Variants in SETD7 observed in about 807,000 individuals in gnomAD.
SETD7 encodes SET domain containing 7, histone lysine methyltransferase, also known as histone-lysine N-methyltransferase SETD7.
Under a neutral mutation model 41.8 loss-of-function variants are expected in SETD7, and 16 were observed. The ratio of observed to expected loss-of-function variants is 0.38; its 90% confidence interval spans 0.26 to 0.58. The LOEUF (loss-of-function observed/expected upper bound fraction) is 0.58, where lower values mean the gene tolerates loss of function less well. Ranked by LOEUF, SETD7 falls within the 20% of genes least tolerant of loss-of-function variation. The probability of loss-of-function intolerance (pLI) is 0.64; values close to 1 mark genes in which losing one functional copy is unlikely to be tolerated. For missense variants in SETD7, 346 were observed against 459.7 expected (o/e 0.75, Z 2.26); for synonymous variants, 163 against 169.7 (o/e 0.96, Z 0.31).
downstream of SETD7, among the ~76,000 whole-genome samples, chr4:139,505,741 C>T (rs1279329850): frequency 6.6e-6 from 1 of 152,158 alleles, no homozygotes; most frequent in Non-Finnish European, 1.5e-5. Context: ...ATTGAAGTTT[C>T]CTTTCAGCTA....
Position 139,535,418 on chromosome 4 carries a change from T to C in SETD7, c.171-2052A>G, listed in dbSNP as rs562887541. On this transcript the variant is annotated intron_variant, in intron 2 of 7. Coordinates refer to ENST00000274031, the MANE Select transcript of SETD7 (RefSeq NM_030648.4). ...TTATTTGCTCATCCTGGCAACCCTATTGACTTTGGACTCTCAGCAGCATTC... is the reference window on the plus strand; with the variant it reads ...TTATTTGCTCATCCTGGCAACCCTACTGACTTTGGACTCTCAGCAGCATTC... Among the ~76,000 whole-genome samples the C allele has an allele frequency of 7.2e-4, 110 of 152,346 alleles. 1 individual carries two copies. The South Asian group carries it at 0.022, about 30-fold the overall frequency.
intron 1 of SETD7, among the ~76,000 whole-genome samples, chr4:139,554,632 GAGAT>G (rs1224437964): frequency 6.6e-6 from 1 of 152,190 alleles, no homozygotes; most frequent in Non-Finnish European, 1.5e-5. Flanking sequence ...ATTTATTAGA[GAGAT>G]AAATAGCTCT....
chr4:139,551,492 G>A (rs1728108855), intron 1 of SETD7, among the ~76,000 whole-genome samples: 1 of 152,090 alleles, frequency 6.6e-6, no homozygotes, highest in Non-Finnish European at 1.5e-5. Flanking sequence ...TTCCCCTCTA[G>A]TTACTTCTGA....
intron 4 of SETD7, among the ~76,000 whole-genome samples, chr4:139,526,754 T>A (rs902986918): frequency 2.0e-5 from 3 of 152,172 alleles, no homozygotes; most frequent in Non-Finnish European, 4.4e-5. Context: ...ATTAGGTGAT[T>A]CTTAAGTTTA....
downstream of SETD7, among the ~76,000 whole-genome samples, chr4:139,494,732 C>A (rs1045469057): frequency 6.6e-6 from 1 of 152,170 alleles, no homozygotes; most frequent in Non-Finnish European, 1.5e-5. Context: ...CAGGCACATG[C>A]CTTATGCCTA....
chr4:139,539,904 C>T (rs1330477171), intron 2 of SETD7, among the ~76,000 whole-genome samples: 6 of 152,160 alleles, frequency 3.9e-5, no homozygotes, highest in South Asian at 2.1e-4. Flanking sequence ...AGTGGGCCCT[C>T]GACAGACACA....
intron 3 of SETD7, among the ~76,000 whole-genome samples, chr4:139,530,635 C>T (rs1326255806): frequency 2.0e-5 from 3 of 152,118 alleles, no homozygotes; most frequent in Non-Finnish European, 4.4e-5. Context: ...CCATGACTAA[C>T]ATAAGATAAT....
In SETD7 at chr4:139,496,648, TCTC is replaced by T. The variant is rs535162475; in HGVS notation, c.921-130_921-128del. 308 of 608,840 alleles carry T rather than the reference TCTC, an allele frequency of 5.1e-4. 5 individuals carry two copies. The South Asian group carries it at 5.9e-3, about 12-fold the overall frequency. 37.7% of individuals were successfully genotyped at this position (608,840 alleles called of 1,614,324 possible). On this transcript the variant is annotated intron_variant, in intron 7 of 7. Coordinates refer to the SETD7 transcript ENST00000506866. ...AACCCAGCTGCATTTTTCTAAATCT[TCTC>T]CATCCTCTCTTTTGCTGGCTCTGAC...
chr4:139,524,817 C>T (rs1161294286), intron 4 of SETD7, among the ~76,000 whole-genome samples: 2 of 152,082 alleles, frequency 1.3e-5, no homozygotes, highest in African/African-American at 4.8e-5. Flanking sequence ...AACCACCCTC[C>T]CCCACTTTTT....
At chr4:139,525,724 C>T (rs926231539) in intron 4 of SETD7, among the ~76,000 whole-genome samples, 1 of 152,138 alleles carries the variant, frequency 6.6e-6, no homozygotes, top group African/African-American at 2.4e-5. Context: ...TCTCTCCTTC[C>T]CCAACCATTG....
At chr4:139,537,885 C>T (rs1308020334) in intron 2 of SETD7, among the ~76,000 whole-genome samples, 2 of 152,146 alleles carry the variant, frequency 1.3e-5, no homozygotes, top group Admixed American at 1.3e-4. Context: ...CTGGACTACT[C>T]AGAGTGTTGT....
intron 6 of SETD7, among the ~76,000 whole-genome samples, chr4:139,519,667 A>G (rs1376147832): frequency 6.6e-6 from 1 of 152,278 alleles, no homozygotes; most frequent in Non-Finnish European, 1.5e-5. Flanking sequence ...TTAAGGTCCC[A>G]TACACGTAAT....
Position 139,528,601 on chromosome 4 carries a change from G to A in SETD7, c.562+430C>T, listed in dbSNP as rs114492212. Among the ~76,000 whole-genome samples, 421 of 152,340 alleles carry A rather than the reference G, an allele frequency of 2.8e-3. 2 individuals carry two copies. Among genetic ancestry groups the A allele is most frequent in the Admixed American group, 5.8e-3 (88 of 15,300 alleles). On this transcript the variant is annotated intron_variant, in intron 4 of 7. Transcript: ENST00000274031. ...GGCCATGTGACTTGCTTTGACCAGTGAAAAGTGAGTAAAGTGCCACCATGT... is the reference window on the plus strand; with the variant it reads ...GGCCATGTGACTTGCTTTGACCAGTAAAAAGTGAGTAAAGTGCCACCATGT...
intron 1 of SETD7, among the ~76,000 whole-genome samples, chr4:139,554,974 C>G (rs1728214711): frequency 6.6e-6 from 1 of 152,098 alleles, no homozygotes; most frequent in Non-Finnish European, 1.5e-5. Context: ...CAACCAACAG[C>G]TAAAAATTAT....
Position 139,511,717 on chromosome 4 carries a change from G to A in SETD7, c.1047C>T (p.Ala349=). 6.2e-7 allele frequency: 1 copy of A among 1,614,090 alleles called. No individual in the cohort carries two copies. The highest frequency in any genetic ancestry group is 8.5e-7 in the Non-Finnish European group (1 of 1,180,008). The change falls in exon 8 of 8, where the codon GCC becomes GCT. Residue 349 remains alanine, a synonymous_variant. Coordinates refer to ENST00000274031, the MANE Select transcript of SETD7 (RefSeq NM_030648.4). ...TCAGCTCCACCTGGTACCACTCAGG[G>A]GCTTCAGGCCCACTCTTCCCGGGGG... ...HSPPGKSGPE[A]PEWYQVELKA... is the part of the protein sequence containing the mutation.
Position 139,556,121 on chromosome 4 carries a change from T to TCGTCGTCGCTATCC in SETD7, c.3_16dup (p.Glu6GlyfsTer87). ...ACCTTCCACCGCCTCCTCCACCATCTCGTCGTCGCTATCCATGGCGGCTGG... is the reference window on the plus strand; with the variant it reads ...ACCTTCCACCGCCTCCTCCACCATCTCGTCGTCGCTATCCCGTCGTCGCTATCCATGGCGGCTGG... On this transcript the variant is annotated frameshift_variant, in exon 1 of 8. Coordinates refer to ENST00000274031, the MANE Select transcript of SETD7 (RefSeq NM_030648.4). LOFTEE classifies it high-confidence loss of function. The TCGTCGTCGCTATCC allele has an allele frequency of 6.2e-7, 1 of 1,603,506 alleles. No individual in the cohort carries two copies. The highest frequency in any genetic ancestry group is 8.5e-7 in the Non-Finnish European group (1 of 1,175,560).
rs2111120433 is a variant in SETD7, at chr4:139,510,934, ATAT to A, written c.*726_*728del. The A allele has an allele frequency of 6.5e-6, 1 of 152,760 alleles. No homozygotes were observed. The highest frequency in any genetic ancestry group is 2.1e-4 in the South Asian group (1 of 4,830). The allele number at this position is 152,760 out of a possible 1,614,324, so 9.5% of individuals were successfully genotyped here. A position where few individuals can be genotyped will look rare whatever the true frequency, so the allele number is the denominator to read the frequency against. On this transcript the variant is annotated 3_prime_UTR_variant, in exon 8 of 8. Coordinates refer to ENST00000274031, the MANE Select transcript of SETD7 (RefSeq NM_030648.4). ...ATATCTTTGTTTACATGCGAGAATA[ATAT>A]TCTATAATAATACCCTGGCCCTATG... is the stretch of plus-strand genomic sequence containing the variant.
At chr4:139,528,237 A>T (rs1727387588) in intron 4 of SETD7, among the ~76,000 whole-genome samples, 1 of 152,222 alleles carries the variant, frequency 6.6e-6, no homozygotes, top group Admixed American at 6.5e-5. Flanking sequence ...CTAAAAGGAA[A>T]ATAATACTTT....
intron 4 of SETD7, among the ~76,000 whole-genome samples, chr4:139,528,366 C>G (rs1290680428): frequency 6.6e-6 from 1 of 152,220 alleles, no homozygotes; most frequent in Non-Finnish European, 1.5e-5. Flanking sequence ...ATCAACTTTA[C>G]AGTTTAGAGA....
Sources: gnomAD v4.1 joint callset for allele counts (sites outside exome capture counted in the v4.1 genomes callset) on GRCh38, gnomAD v4.1.1 for gene constraint, MANE v1.5 for transcripts, NCBI Gene and HGNC (gene_info 2026-07-23, HGNC 2026-07-21) for gene names.